The following RAD17 variants were observed in gnomAD, a reference collection of about 807,000 sequenced individuals.
RAD17 encodes the protein cell cycle checkpoint protein RAD17.
A neutral mutation model predicts 81.5 loss-of-function variants in RAD17; 31 were observed. The ratio of observed to expected loss-of-function variants is 0.38; its 90% CI spans 0.29 to 0.51. The LOEUF is 0.51. RAD17 is among the 20% of genes least tolerant of loss of function. The pLI is 0.88. For missense variants in RAD17, 681 were observed against 781.2 expected (o/e 0.87, Z 1.53); for synonymous variants, 261 against 266.2 (o/e 0.98, Z 0.19).
chr5:69,374,550 C>T, intron 5 of RAD17, 78 bp from the exon 6 acceptor site: 6 of 889,596 alleles, frequency 6.7e-6, no homozygotes, highest in Non-Finnish European at 1.1e-5. Flanking sequence ...GTTAATAATG[C>T]TTAGGTTCAT....
At chr5:69,410,965 C>CTATATATATATATATATATA (rs1554044686) in intron 18 of RAD17, among the ~76,000 whole-genome samples, 29 of 90,236 alleles carry the variant, frequency 3.2e-4, no homozygotes, top group African/African-American at 7.4e-4. Context: ...AGATGTCTGT[C>CTATATATATATATATATATA]TATATATATA....
chr5:69,369,817 C>T (rs1017128396), upstream of RAD17: 66 of 1,098,136 alleles, frequency 6.0e-5, no homozygotes, highest in African/African-American at 5.1e-4. Context: ...CCCGGGAGGC[C>T]GTACCTCCGA....
At chr5:69,369,505 C>T (rs1378265230), upstream of RAD17, 2 of 1,611,226 alleles carry the variant, frequency 1.2e-6, no homozygotes, top group Non-Finnish European at 8.5e-7. Flanking sequence ...CCCGCCGCGA[C>T]GGCTTCGGGC....
At chr5:69,391,791 TTTTAA>T in intron 12 of RAD17, 35 bp from the exon 13 acceptor site, 1 of 1,319,516 alleles carries the variant, frequency 7.6e-7, no homozygotes, top group African/African-American at 1.5e-5. Context: ...AATTTTCATA[TTTTAA>T]TTTAAATATT....
intron 5 of RAD17, 127 bp from the exon 6 acceptor site, chr5:69,374,501 T>G: frequency 3.5e-6 from 2 of 571,488 alleles, no homozygotes; most frequent in South Asian, 3.2e-5. Flanking sequence ...AAAGGATCAT[T>G]TTATTATATA....
In RAD17 at chr5:69,400,041, C is replaced by A; in HGVS notation, c.1573-8C>A. On this transcript the variant is annotated splice_region_variant and splice_polypyrimidine_tract_variant and intron_variant, in intron 16 of 18. Transcript: ENST00000354868. ...TCCTTTCATCTTTTTTTTTTCTTTT[C>A]TATACAGTATCGGGAAAATTGCCTG... is the stretch of plus-strand genomic sequence containing the variant. The A allele has an allele frequency of 6.6e-7, 1 of 1,518,856 alleles. No homozygotes were observed. The highest frequency in any genetic ancestry group is 8.8e-7 in the Non-Finnish European group (1 of 1,133,340). The allele number at this position is 1,518,856 out of a possible 1,614,324, so 94.1% of individuals were successfully genotyped here. A position where few individuals can be genotyped will look rare whatever the true frequency, so the allele number is the denominator to read the frequency against.
intron 16 of RAD17, 98 bp from the exon 17 acceptor site, chr5:69,399,951 C>A: frequency 2.7e-6 from 2 of 745,622 alleles, no homozygotes; most frequent in Non-Finnish European, 2.0e-6. Flanking sequence ...TTAATATAAA[C>A]TTATTGTGTA....
intron 7 of RAD17, 21 bp downstream of exon 7, chr5:69,382,078 A>T: frequency 6.2e-7 from 1 of 1,605,034 alleles, no homozygotes; most frequent in South Asian, 1.1e-5. Flanking sequence ...CTGTGAAGGT[A>T]GTAGAAGTAG....
chr5:69,410,476 T>C lies in RAD17; in HGVS notation c.1694-17T>C, dbSNP rs1765899249. On this transcript the variant is annotated splice_polypyrimidine_tract_variant and intron_variant, in intron 17 of 18. Coordinates refer to ENST00000354868, the MANE Select transcript of RAD17 (RefSeq NM_133338.3). ...TCTTTGGAAAATTGTTTACAACTTT[T>C]AAAAAATCTGTTTCAGCTCAGATTT... 6.2e-7 allele frequency: 1 copy of C among 1,605,988 alleles called. No individual in the cohort carries two copies. The highest frequency in any genetic ancestry group is 8.5e-7 in the Non-Finnish European group (1 of 1,174,750).
At position 69,374,069 on chromosome 5, in the gene RAD17, A is replaced by G; in HGVS notation, c.249A>G (p.Lys83=). The change falls in exon 5 of 19, where the codon AAA becomes AAG. Residue 83 remains lysine, a synonymous_variant. Transcript: ENST00000354868. ...YLSENEPWVD[K]YKPETQHELA... is the part of the protein sequence containing the mutation. ...CTGAAAATGAACCATGGGTGGATAA[A>G]TATAAACCAGAAACTCAGGTACTGA... The G allele has an allele frequency of 1.2e-6, 2 of 1,607,802 alleles. No homozygotes were observed. The highest frequency in any genetic ancestry group is 2.2e-5 in the South Asian group (2 of 90,004).
chr5:69,410,432 A>G, intron 17 of RAD17, 61 bp from the exon 18 acceptor site: 1 of 1,335,578 alleles, frequency 7.5e-7, no homozygotes, highest in Non-Finnish European at 1.1e-6. Context: ...TCAGGTGCTT[A>G]TTGGCCATTT....
chr5:69,373,697 T>G lies in RAD17; in HGVS notation c.10-133T>G, dbSNP rs1763157621. 2 of 522,948 alleles carry G rather than the reference T, an allele frequency of 3.8e-6. 1 individual carries two copies. The allele number at this position is 522,948 out of a possible 1,614,324, so 32.4% of individuals were successfully genotyped here. A position where few individuals can be genotyped will look rare whatever the true frequency, so the allele number is the denominator to read the frequency against. On this transcript the variant is annotated intron_variant, in intron 4 of 18. Coordinates refer to ENST00000354868, the MANE Select transcript of RAD17 (RefSeq NM_133338.3). ...CCGGTCTCAAAAAAATTTTTTTTTT[T>G]TTTTTTTTTTTTTTTTTTTAAGTTT...
At position 69,377,680 on chromosome 5, in the gene RAD17, T is replaced by TATATGTATGC. The variant is rs1763584587; in HGVS notation, c.351+2973_351+2974insGTATGCATAT. 8.1e-4 allele frequency among the ~76,000 whole-genome samples: 4 copies of TATATGTATGC among 4,916 alleles called. 1 individual carries two copies. Among genetic ancestry groups the TATATGTATGC allele is most frequent in the Non-Finnish European group, 4.5e-3 (3 of 672 alleles). 3.2% of individuals were successfully genotyped at this position (4,916 alleles called of 152,430 possible). On this transcript the variant is annotated intron_variant, in intron 6 of 18. Transcript: ENST00000354868. ...ATATATGTATACATATATATATGCA[T>TATATGTATGC]ATATATATATGTATACATATATATA...
At chr5:69,377,456 T>TAC (rs1561238731) in intron 6 of RAD17, among the ~76,000 whole-genome samples, 90 of 8,500 alleles carry the variant, frequency 0.011, 2 homozygotes, top group Middle Eastern at 0.12. Context: ...TATATATATA[T>TAC]ATATATATAT....
At chr5:69,407,899 C>A (rs552374649) in intron 17 of RAD17, among the ~76,000 whole-genome samples, 1 of 152,158 alleles carries the variant, frequency 6.6e-6, no homozygotes, top group African/African-American at 2.4e-5. Context: ...CTGTTGAGCC[C>A]CTTTAGTGAA....
At position 69,391,331 on chromosome 5, in the gene RAD17, A is replaced by C. The variant is rs529688356; in HGVS notation, c.1007-500A>C. Among the ~76,000 whole-genome samples the C allele has an allele frequency of 2.0e-5, 3 of 152,342 alleles. No homozygotes were observed. The East Asian group carries it at 5.8e-4, about 29-fold the overall frequency. On this transcript the variant is annotated intron_variant, in intron 12 of 18. Coordinates refer to ENST00000354868, the MANE Select transcript of RAD17 (RefSeq NM_133338.3). ...AGTATCTTGCACATAACACGATGAGAAACCAAGGCGATGTGACTGTACAGG... is the reference window on the plus strand; with the variant it reads ...AGTATCTTGCACATAACACGATGAGCAACCAAGGCGATGTGACTGTACAGG...
chr5:69,384,842 T>A lies in RAD17; in HGVS notation c.554T>A (p.Phe185Tyr), dbSNP rs1459032891. ...MFPYQSQIAVFKEFLLRATKY... is the reference protein window; with the variant it reads ...MFPYQSQIAVYKEFLLRATKY... Reference sequence around the variant, plus strand: ...CCCTATCAGTCTCAGATAGCAGTTTTCAAAGAGTTTCTACTAAGAGCGACA... The same window carrying A: ...CCCTATCAGTCTCAGATAGCAGTTTACAAAGAGTTTCTACTAAGAGCGACA... The change falls in exon 8 of 19, where the codon TTC becomes TAC. Residue 185 changes from phenylalanine to tyrosine, a missense_variant. Physicochemically the swap from Phe to Tyr is conservative, Grantham distance 22. Coordinates refer to ENST00000354868, the MANE Select transcript of RAD17 (RefSeq NM_133338.3). The A allele has an allele frequency of 6.2e-7, 1 of 1,612,502 alleles. No homozygotes were observed. Among genetic ancestry groups the A allele is most frequent in the South Asian group, 1.1e-5 (1 of 90,980 alleles).
intron 17 of RAD17, among the ~76,000 whole-genome samples, chr5:69,400,725 G>A (rs2150861208): frequency 6.6e-6 from 1 of 151,872 alleles, no homozygotes; most frequent in East Asian, 1.9e-4. Flanking sequence ...CTGGAGGTTA[G>A]GAGTTCGAGA....
chr5:69,405,108 A>G (rs1465259730), intron 17 of RAD17, among the ~76,000 whole-genome samples: 1 of 152,226 alleles, frequency 6.6e-6, no homozygotes, highest in African/African-American at 2.4e-5. Flanking sequence ...AAGATAAATG[A>G]TAACAAACGT....
Sources: allele counts gnomAD v4.1 joint callset (sites outside exome capture counted in the v4.1 genomes callset), GRCh38; gene constraint gnomAD v4.1.1; transcripts MANE v1.5; gene names NCBI Gene and HGNC (gene_info 2026-07-23, HGNC 2026-07-21).